Variants in PDE7A observed in about 807,000 individuals in gnomAD.
The protein encoded by PDE7A is high affinity 3',5'-cyclic-AMP phosphodiesterase 7A.
In PDE7A, 39 loss-of-function variants were observed where a neutral mutation model predicts 64.3. That is an observed-to-expected ratio of 0.61 (90% CI 0.47 to 0.79). The LOEUF (loss-of-function observed/expected upper bound fraction) is 0.79, where lower values mean the gene tolerates loss of function less well. Among genes scored for constraint, PDE7A ranks in the 30% least tolerant of loss-of-function variants. PDE7A has a pLI of 0.00. For synonymous variants in PDE7A, 203 were observed against 206.8 expected, an observed-to-expected ratio of 0.98 and a Z score of 0.16; for missense variants, 470 against 582.8, an observed-to-expected ratio of 0.81 and a Z score of 1.99.
intron 12 of PDE7A, among the ~76,000 whole-genome samples, chr8:65,720,773 GAA>G (rs1193905783): frequency 1.3e-5 from 2 of 152,162 alleles, no homozygotes; most frequent in Non-Finnish European, 2.9e-5. Flanking sequence ...AACAAACATA[GAA>G]AAGTGTCATT....
Position 65,820,308 on chromosome 8 carries a change from A to G in PDE7A, c.138+21063T>C, listed in dbSNP as rs114125167. On this transcript the variant is annotated intron_variant, in intron 1 of 12. Coordinates refer to ENST00000401827, the MANE Select transcript of PDE7A (RefSeq NM_001242318.3). ...CTACTCAAGAGGCTGGGGTGGGAGG[A>G]CTGCTTGAGTCCAGGATGCGGAGGT... 5.9e-3 allele frequency among the ~76,000 whole-genome samples: 893 copies of G among 152,250 alleles called. 9 individuals carry two copies. Among genetic ancestry groups the G allele is most frequent in the African/African-American group, 0.02 (844 of 41,546 alleles).
intron 3 of PDE7A, among the ~76,000 whole-genome samples, chr8:65,762,989 C>A (rs1378864639): frequency 1.7e-5 from 2 of 121,118 alleles, no homozygotes; most frequent in African/African-American, 6.7e-5. Context: ...TATATAAAAA[C>A]AATGTGTGTG....
At chr8:65,759,715 G>A (rs938861005) in intron 3 of PDE7A, among the ~76,000 whole-genome samples, 1 of 152,010 alleles carries the variant, frequency 6.6e-6, no homozygotes, top group African/African-American at 2.4e-5. Flanking sequence ...TTTTAAAGGG[G>A]GTTTTTCCTA....
chr8:65,772,969 C>G (rs1174321407), intron 3 of PDE7A, among the ~76,000 whole-genome samples: 1 of 152,048 alleles, frequency 6.6e-6, no homozygotes, highest in Admixed American at 6.5e-5. Context: ...GATCGTGCCA[C>G]TGCACTCCAG....
chr8:65,778,924 C>T (rs1809330240), intron 3 of PDE7A, among the ~76,000 whole-genome samples: 1 of 152,224 alleles, frequency 6.6e-6, no homozygotes, highest in Non-Finnish European at 1.5e-5. Context: ...TCCAGCCTTG[C>T]TGGGCTCTAA....
intron 6 of PDE7A, among the ~76,000 whole-genome samples, chr8:65,738,252 T>C (rs1371699814): frequency 9.0e-5 from 13 of 144,816 alleles, no homozygotes; most frequent in African/African-American, 3.4e-4. Context: ...TTTTGCTGTA[T>C]ATAAGCAAAA....
intron 1 of PDE7A, among the ~76,000 whole-genome samples, chr8:65,806,422 G>A (rs1225466188): frequency 6.6e-6 from 1 of 152,034 alleles, no homozygotes; most frequent in African/African-American, 2.4e-5. Context: ...AAAAAGTGCT[G>A]GAATTAGAGT....
chr8:65,780,854 T>TGA (rs1197697324), intron 2 of PDE7A: 1 of 152,274 alleles, frequency 6.6e-6, no homozygotes, highest in African/African-American at 2.4e-5. Flanking sequence ...TCTGTTTCTC[T>TGA]GAGTAGGACC....
intron 3 of PDE7A, among the ~76,000 whole-genome samples, chr8:65,777,472 A>G (rs1357575951): frequency 6.6e-6 from 1 of 152,186 alleles, no homozygotes; most frequent in Non-Finnish European, 1.5e-5. Context: ...GTCAAAATAT[A>G]TTAATTCTCC....
intron 1 of PDE7A, among the ~76,000 whole-genome samples, chr8:65,838,959 C>T (rs1264464276): frequency 6.6e-6 from 1 of 152,220 alleles, no homozygotes. Flanking sequence ...TTATGGTCTG[C>T]AGTTACAAGT....
At chr8:65,754,356 C>G (rs566371680) in intron 3 of PDE7A, among the ~76,000 whole-genome samples, 1 of 152,002 alleles carries the variant, frequency 6.6e-6, no homozygotes, top group Non-Finnish European at 1.5e-5. Flanking sequence ...ACTTTGCATC[C>G]TTCAATCCAA....
intron 3 of PDE7A, among the ~76,000 whole-genome samples, chr8:65,767,883 A>C (rs1027388280): frequency 3.9e-5 from 6 of 152,112 alleles, no homozygotes; most frequent in Admixed American, 1.3e-4. Flanking sequence ...AATCCAACCC[A>C]AAAAGAGGGT....
At chr8:65,788,698 T>A (rs1273328514) in intron 1 of PDE7A, among the ~76,000 whole-genome samples, 1 of 152,142 alleles carries the variant, frequency 6.6e-6, no homozygotes, top group African/African-American at 2.4e-5. Flanking sequence ...AGAAATAATG[T>A]GGGATAAGAA....
chr8:65,741,288 C>T (rs935161310), intron 5 of PDE7A, among the ~76,000 whole-genome samples: 1 of 152,056 alleles, frequency 6.6e-6, no homozygotes, highest in African/African-American at 2.4e-5. Flanking sequence ...ATAAAATACA[C>T]GATTCTAGTA....
rs547198412 is a variant in PDE7A, at chr8:65,803,137, G to A, written c.139-20294C>T. Among the ~76,000 whole-genome samples, 13 of 152,260 alleles carry A rather than the reference G, an allele frequency of 8.5e-5. No homozygotes were observed. The South Asian group carries it at 2.7e-3, about 32-fold the overall frequency. ...TTTCTTTATAAATTACTCAGACTCAGGTATTTCTTTGTAGCAAAGCAAGAA... is the reference window on the plus strand; with the variant it reads ...TTTCTTTATAAATTACTCAGACTCAAGTATTTCTTTGTAGCAAAGCAAGAA... On this transcript the variant is annotated intron_variant, in intron 1 of 12. Coordinates refer to ENST00000401827, the MANE Select transcript of PDE7A (RefSeq NM_001242318.3).
intron 5 of PDE7A, among the ~76,000 whole-genome samples, chr8:65,744,805 G>A (rs1678879815): frequency 6.6e-6 from 1 of 152,222 alleles, no homozygotes; most frequent in Non-Finnish European, 1.5e-5. Context: ...AAGTCATGAT[G>A]ATGATGATAC....
chr8:65,801,867 T>C (rs1364304535), intron 1 of PDE7A, among the ~76,000 whole-genome samples: 1 of 152,178 alleles, frequency 6.6e-6, no homozygotes, highest in East Asian at 1.9e-4. Flanking sequence ...GAAAAAACTA[T>C]TTTCTCTTAA....
chr8:65,832,426 T>C (rs1453346451), intron 1 of PDE7A, among the ~76,000 whole-genome samples: 1 of 152,184 alleles, frequency 6.6e-6, no homozygotes, highest in African/African-American at 2.4e-5. Flanking sequence ...GTCCTCAGAA[T>C]AGATTCCCAA....
intron 3 of PDE7A, among the ~76,000 whole-genome samples, chr8:65,773,426 C>A (rs1017422573): frequency 3.9e-5 from 6 of 152,100 alleles, no homozygotes; most frequent in Non-Finnish European, 7.4e-5. Context: ...ATGATGAGAT[C>A]GAGAGGATAA....
Sources: gnomAD v4.1 joint callset for allele counts (sites outside exome capture counted in the v4.1 genomes callset) on GRCh38, gnomAD v4.1.1 for gene constraint, MANE v1.5 for transcripts, NCBI Gene and HGNC (gene_info 2026-07-23, HGNC 2026-07-21) for gene names.